ZNF577: variants seen among roughly 807,000 people sequenced by gnomAD.
ZNF577 encodes zinc finger protein 577.
Under a neutral mutation model 13.9 loss-of-function variants are expected in ZNF577, and 14 were observed. That is an observed-to-expected ratio of 1.00 (90% confidence interval 0.66 to 1.57). The LOEUF (loss-of-function observed/expected upper bound fraction) is 1.57. ZNF577 is among the 40% of genes most tolerant of loss of function. The probability of loss-of-function intolerance (pLI) is 0.00; values close to 1 mark genes in which losing one functional copy is unlikely to be tolerated. For missense variants in ZNF577, 555 were observed against 579.2 expected (o/e 0.96, Z 0.43); for synonymous variants, 203 against 202.9 (o/e 1.00, Z 0.00).
Position 51,870,759 on chromosome 19 carries a change from T to C in ZNF577, c.*1773A>G, listed in dbSNP as rs2084646565. Reference sequence around the variant, plus strand: ...CTTGAATTCCTCAAACCCTAAACTCTGTCTCAATTCAGAGAGATGGCTGGG... The same window carrying C: ...CTTGAATTCCTCAAACCCTAAACTCCGTCTCAATTCAGAGAGATGGCTGGG... On this transcript the variant is annotated 3_prime_UTR_variant, in exon 6 of 6. Coordinates refer to ENST00000638348, the MANE Select transcript of ZNF577 (RefSeq NM_001370449.1). Among the ~76,000 whole-genome samples, 1 of 152,116 alleles carries C rather than the reference T, an allele frequency of 6.6e-6. No homozygotes were observed. The highest frequency in any genetic ancestry group is 6.6e-5 in the Admixed American group (1 of 15,256).
At chr19:51,878,649 C>G in intron 3 of ZNF577, 134 bp from the exon 4 acceptor site, 2 of 1,108,630 alleles carry the variant, frequency 1.8e-6, no homozygotes, top group African/African-American at 1.6e-5. Context: ...ACCAAAGGAC[C>G]ATGGAATTCC....
At chr19:51,878,704 G>C (rs2084808948) in intron 3 of ZNF577, 189 bp from the exon 4 acceptor site, 2 of 532,956 alleles carry the variant, frequency 3.8e-6, no homozygotes, top group East Asian at 6.0e-5. Flanking sequence ...TACTAGCATA[G>C]ATATGAAACA....
intron 5 of ZNF577, among the ~76,000 whole-genome samples, chr19:51,851,813 C>A (rs768234876): frequency 6.6e-6 from 1 of 152,184 alleles, no homozygotes; most frequent in South Asian, 2.1e-4. Flanking sequence ...CAGGAAACAA[C>A]CCTTACGTCT....
chr19:51,855,061 G>A (rs547858767), intron 5 of ZNF577, among the ~76,000 whole-genome samples: 3 of 152,256 alleles, frequency 2.0e-5, no homozygotes, highest in Non-Finnish European at 4.4e-5. Context: ...AGCCTCCTCA[G>A]GGGTAGTTTC....
Position 51,868,749 on chromosome 19 carries a change from T to G in ZNF577, c.*3783A>C, listed in dbSNP as rs866668180. ...ATAGATCAGACTGCTACTGTGTCTA[T>G]GTAGAAAAAGGAAGACATAAGAAAC... On this transcript the variant is annotated 3_prime_UTR_variant, in exon 6 of 6. Transcript: ENST00000638348. 5.9e-5 allele frequency among the ~76,000 whole-genome samples: 9 copies of G among 152,302 alleles called. No individual in the cohort carries two copies. The highest frequency in any genetic ancestry group is 2.2e-4 in the African/African-American group (9 of 41,580).
chr19:51,861,051 G>T, intron 5 of ZNF577: 1 of 388,180 alleles, frequency 2.6e-6, no homozygotes, highest in Non-Finnish European at 4.9e-6. Context: ...CCTACTAAAT[G>T]GAAAGCTTCT....
chr19:51,811,956 T>C (rs1167371586), intron 9 of ZNF577, among the ~76,000 whole-genome samples: 1 of 152,180 alleles, frequency 6.6e-6, no homozygotes, highest in Admixed American at 6.5e-5. Flanking sequence ...CCACTAAATG[T>C]ACTCACTTTG....
At chr19:51,819,429 G>T (rs2084171204) in intron 9 of ZNF577, among the ~76,000 whole-genome samples, 1 of 152,210 alleles carries the variant, frequency 6.6e-6, no homozygotes, top group African/African-American at 2.4e-5. Flanking sequence ...ACTGAAAAGA[G>T]GTGGCCAATT....
At chr19:51,858,105 T>A (rs765010) in intron 5 of ZNF577, among the ~76,000 whole-genome samples, 57,443 of 152,018 alleles carry the variant, frequency 0.38, 11,984 homozygotes, top group African/African-American at 0.55. Context: ...TCAGCTGAAC[T>A]AGCTGCACCC....
chr19:51,839,686 C>T lies in ZNF577; in HGVS notation c.*599+207G>A, dbSNP rs2084308915. The T allele has an allele frequency of 2.6e-5, 4 of 152,384 alleles. No individual in the cohort carries two copies. In the South Asian group the frequency reaches 8.3e-4, roughly 32 times the overall value. 9.4% of individuals were successfully genotyped at this position (152,384 alleles called of 1,614,324 possible). ...CATAATGGCCCCCAACTCCGCATCGCTTGCTCGCTTTTCCTGGTTCCCCAG... is the reference window on the plus strand; with the variant it reads ...CATAATGGCCCCCAACTCCGCATCGTTTGCTCGCTTTTCCTGGTTCCCCAG... On this transcript the variant is annotated intron_variant and NMD_transcript_variant, in intron 9 of 10. Coordinates refer to the ZNF577 transcript ENST00000638827.
intron 9 of ZNF577, among the ~76,000 whole-genome samples, chr19:51,827,539 A>G (rs1377833309): frequency 2.0e-5 from 3 of 152,222 alleles, no homozygotes; most frequent in Admixed American, 6.5e-5. Flanking sequence ...TGGCATTGAT[A>G]AACAATAATA....
intron 9 of ZNF577, among the ~76,000 whole-genome samples, chr19:51,819,951 G>A (rs2084175741): frequency 1.3e-5 from 2 of 152,158 alleles, no homozygotes; most frequent in Non-Finnish European, 2.9e-5. Context: ...GAGAGACAGT[G>A]GGATGGAAAG....
intron 9 of ZNF577, among the ~76,000 whole-genome samples, chr19:51,838,774 G>A (rs554284499): frequency 6.6e-6 from 1 of 151,852 alleles, no homozygotes; most frequent in South Asian, 2.1e-4. Context: ...GGTATAGATG[G>A]TAAATTGTAG....
rs927301069 is a variant in ZNF577 at position 51,824,722 on chromosome 19, T to C, written c.*600-13048A>G. 1 of 1,614,096 alleles carries C rather than the reference T, an allele frequency of 6.2e-7. No individual in the cohort carries two copies. The highest frequency in any genetic ancestry group is 1.3e-5 in the African/African-American group (1 of 75,022). On this transcript the variant is annotated intron_variant and NMD_transcript_variant, in intron 9 of 10. Coordinates refer to the ZNF577 transcript ENST00000638827. The surrounding 1 kb of genome is among the most constrained non-coding windows in gnomAD (Gnocchi z 4.7). ...TTGCCCACTAGTTTGGAGAGGGCCC[T>C]GACTGAGGTCCCTGACTCAGCCCAG...
rs1448403894 is a variant in ZNF577, at chr19:51,873,647, C to T, written c.343G>A (p.Gly115Arg). 6.2e-7 allele frequency: 1 copy of T among 1,613,948 alleles called. No homozygotes were observed. Among genetic ancestry groups the T allele is most frequent in the African/African-American group, 1.3e-5 (1 of 74,926 alleles). Reference sequence around the variant, plus strand: ...CGCTTGATATGGAGGCATGATCTCCCATATCCACCAAATGCATCAGAATCT... The same window carrying T: ...CGCTTGATATGGAGGCATGATCTCCTATATCCACCAAATGCATCAGAATCT... Reference protein sequence around the residue: ...GKDSDAFGGYGRSCLHIKRDK... With the variant: ...GKDSDAFGGYRRSCLHIKRDK... Residue 115 changes from glycine (G) to arginine (R), a missense_variant, in exon 6 of 6, where the codon GGG (glycine) becomes AGG (arginine). Gly to Arg is a moderately radical substitution (Grantham distance 125, BLOSUM62 -2). Transcript: ENST00000638348.
rs2084955851 is a variant in ZNF577, at chr19:51,886,950, G to C, written c.-348C>G. The C allele has an allele frequency of 6.6e-6, 1 of 152,094 alleles. No homozygotes were observed. The highest frequency in any genetic ancestry group is 6.6e-5 in the Admixed American group (1 of 15,258). The allele number at this position is 152,094 out of a possible 1,614,324, so 9.4% of individuals were successfully genotyped here. On this transcript the variant is annotated 5_prime_UTR_variant, in exon 1 of 6. The change creates a premature stop within an existing upstream ORF in the 5' untranslated region. Transcript: ENST00000638348. Reference sequence around the variant, plus strand: ...CGTCAATTTATAAGTTATATGTAATGACATGAGTACAATGAAGTGACAGAA... The same window carrying C: ...CGTCAATTTATAAGTTATATGTAATCACATGAGTACAATGAAGTGACAGAA...
intron 4 of ZNF577, chr19:51,877,945 G>C (rs994773477): frequency 6.4e-6 from 1 of 156,064 alleles, no homozygotes; most frequent in Non-Finnish European, 1.4e-5. Flanking sequence ...AGGAAACTCT[G>C]GCACATGCTA....
At chr19:51,881,516 G>C (rs892875404) in intron 1 of ZNF577, among the ~76,000 whole-genome samples, 3 of 152,152 alleles carry the variant, frequency 2.0e-5, no homozygotes, top group Non-Finnish European at 4.4e-5. Context: ...GCTGAGGCTT[G>C]CTGAGACAAC....
intron 10 of ZNF577, among the ~76,000 whole-genome samples, chr19:51,808,980 A>G (rs2084079358): frequency 6.6e-6 from 1 of 152,214 alleles, no homozygotes; most frequent in African/African-American, 2.4e-5. Context: ...GAGGAGAAAT[A>G]TCAATGACCC....
Sources: allele counts gnomAD v4.1 joint callset (sites outside exome capture counted in the v4.1 genomes callset), GRCh38; gene constraint gnomAD v4.1.1; non-coding constraint Gnocchi (gnomAD v3.1); transcripts MANE v1.5; gene names NCBI Gene and HGNC (gene_info 2026-07-23, HGNC 2026-07-21).